Variants in KCNH5 observed in about 807,000 individuals in gnomAD.
KCNH5 encodes the protein potassium voltage-gated channel subfamily H member 5, also known as voltage-gated delayed rectifier potassium channel KCNH5.
A neutral mutation model predicts 96.1 loss-of-function variants in KCNH5; 46 were observed. The ratio of observed to expected loss-of-function variants is 0.48; its 90% CI spans 0.38 to 0.61. The LOEUF is 0.61. Ranked by LOEUF, KCNH5 falls within the 20% of genes least tolerant of loss-of-function variation. The pLI, the probability that KCNH5 is intolerant of heterozygous loss-of-function variation, is 0.00. For missense variants in KCNH5, 907 were observed against 1,225.8 expected (o/e 0.74, Z 3.88); for synonymous variants, 439 against 449.8 (o/e 0.98, Z 0.30).
At chr14:62,875,798 C>T (rs564073231) in intron 7 of KCNH5, among the ~76,000 whole-genome samples, 5 of 151,856 alleles carry the variant, frequency 3.3e-5, no homozygotes, top group South Asian at 4.2e-4. Flanking sequence ...AAGTGGATCA[C>T]GAGGTCAGGA....
chr14:62,947,545 C>T (rs1889912631), intron 7 of KCNH5, among the ~76,000 whole-genome samples: 1 of 152,174 alleles, frequency 6.6e-6, no homozygotes. Flanking sequence ...CAACTGCCAA[C>T]ACTGATGCTT....
At chr14:62,796,168 T>C (rs1385941827) in intron 9 of KCNH5, among the ~76,000 whole-genome samples, 1 of 152,078 alleles carries the variant, frequency 6.6e-6, no homozygotes, top group Non-Finnish European at 1.5e-5. Context: ...AATTATACCT[T>C]AGGAAGATTA....
At position 63,045,132 on chromosome 14, in the gene KCNH5, T is replaced by A; in HGVS notation, c.55A>T (p.Ile19Phe). Residue 19 changes from isoleucine (I) to phenylalanine (F), a missense_variant, in exon 1 of 11, where the codon ATC (isoleucine) becomes TTC (phenylalanine). Physicochemically the swap from Ile to Phe is conservative, Grantham distance 21 (BLOSUM62 0). This residue lies in a region of KCNH5 where 370 missense variants were observed against 561.3 expected (regional missense o/e 0.66). Coordinates refer to ENST00000322893, the MANE Select transcript of KCNH5 (RefSeq NM_139318.5). Reference protein sequence around the residue: ...VAPQNTFLENIVRRSSESSFL... With the variant: ...VAPQNTFLENFVRRSSESSFL... The stretch of plus-strand genomic sequence containing the variant: ...TCCTTACCACTGGAGCGCCTGACGA[T>A]GTTCTCCAAAAATGTGTTCTGCGGT... 6.2e-7 allele frequency: 1 copy of A among 1,613,828 alleles called. No individual in the cohort carries two copies. The highest frequency in any genetic ancestry group is 8.5e-7 in the Non-Finnish European group (1 of 1,179,948).
chr14:63,011,257 C>A (rs1043423961), intron 2 of KCNH5, among the ~76,000 whole-genome samples: 9 of 152,032 alleles, frequency 5.9e-5, no homozygotes, highest in Middle Eastern at 3.2e-3. Flanking sequence ...CTGAGGCGGG[C>A]AGATCACCTT....
At chr14:62,897,421 T>A (rs1425505425) in intron 7 of KCNH5, among the ~76,000 whole-genome samples, 2 of 152,126 alleles carry the variant, frequency 1.3e-5, no homozygotes, top group African/African-American at 4.8e-5. Flanking sequence ...GGGAAAGAAA[T>A]GTTTTTCTAG....
chr14:62,826,581 T>G (rs192001832), intron 8 of KCNH5, among the ~76,000 whole-genome samples: 24 of 152,180 alleles, frequency 1.6e-4, no homozygotes, highest in Admixed American at 3.3e-4. Context: ...TGTATCTTTA[T>G]AATATAGTTT....
At chr14:62,926,260 G>T (rs114364250) in intron 7 of KCNH5, among the ~76,000 whole-genome samples, 168 of 152,196 alleles carry the variant, frequency 1.1e-3, no homozygotes, top group African/African-American at 3.9e-3. Context: ...GCTCTGATAA[G>T]TTCTTGAAAC....
chr14:62,939,002 T>C (rs1889737405), intron 7 of KCNH5, among the ~76,000 whole-genome samples: 1 of 152,226 alleles, frequency 6.6e-6, no homozygotes, highest in Non-Finnish European at 1.5e-5. Context: ...TCTACCTCCA[T>C]GAAGTTAATG....
At chr14:63,001,125 T>C (rs1408349940) in intron 4 of KCNH5, among the ~76,000 whole-genome samples, 1 of 152,154 alleles carries the variant, frequency 6.6e-6, no homozygotes, top group Non-Finnish European at 1.5e-5. Flanking sequence ...ATGCTATAAG[T>C]TAACCAATCT....
chr14:62,730,707 C>G (rs550261716), intron 10 of KCNH5, among the ~76,000 whole-genome samples: 1 of 152,288 alleles, frequency 6.6e-6, no homozygotes, highest in African/African-American at 2.4e-5. Flanking sequence ...AATAGACTGA[C>G]AGAAATCTTC....
At chr14:62,895,654 A>C (rs1287768252) in intron 7 of KCNH5, among the ~76,000 whole-genome samples, 4 of 152,200 alleles carry the variant, frequency 2.6e-5, no homozygotes, top group Non-Finnish European at 5.9e-5. Context: ...GGAGTAAAAA[A>C]CAAATAAATA....
chr14:62,717,557 G>GA (rs955388310), intron 10 of KCNH5, among the ~76,000 whole-genome samples: 5 of 152,012 alleles, frequency 3.3e-5, no homozygotes, highest in Admixed American at 1.3e-4. Context: ...ATAATCTTTT[G>GA]AAAAAATGAT....
chr14:62,756,370 C>T (rs559771090), intron 10 of KCNH5, among the ~76,000 whole-genome samples: 4 of 151,994 alleles, frequency 2.6e-5, no homozygotes, highest in Non-Finnish European at 4.4e-5. Context: ...AATGTCCATA[C>T]TACTGAAAGC....
intron 6 of KCNH5, among the ~76,000 whole-genome samples, chr14:62,977,235 T>TGCGC (rs1452133548): frequency 2.0e-5 from 3 of 152,010 alleles, no homozygotes; most frequent in Non-Finnish European, 4.4e-5. Context: ...AGTGTGGTGG[T>TGCGC]GCGCGCCTCT....
intron 10 of KCNH5, among the ~76,000 whole-genome samples, chr14:62,773,889 C>T (rs1420692487): frequency 2.6e-5 from 4 of 151,978 alleles, no homozygotes; most frequent in Non-Finnish European, 5.9e-5. Context: ...GTTTCAGTAT[C>T]TTTTATGGAA....
intron 1 of KCNH5, among the ~76,000 whole-genome samples, chr14:63,026,343 C>G (rs566359608): frequency 6.6e-6 from 1 of 152,048 alleles, no homozygotes; most frequent in African/African-American, 2.4e-5. Context: ...GCACAGGTAA[C>G]TAAAGCAGAA....
intron 8 of KCNH5, among the ~76,000 whole-genome samples, chr14:62,842,412 T>C (rs1340088661): frequency 6.6e-6 from 1 of 152,236 alleles, no homozygotes; most frequent in Non-Finnish European, 1.5e-5. Context: ...ATAATAATTC[T>C]GAATGCTTAC....
chr14:62,926,469 GAGAA>G (rs1481809402), intron 7 of KCNH5, among the ~76,000 whole-genome samples: 13 of 152,182 alleles, frequency 8.5e-5, no homozygotes, highest in Admixed American at 1.3e-4. Context: ...CAACAAAAAG[GAGAA>G]AGAAAGAAGA....
At chr14:63,030,885 G>A (rs971454689) in intron 1 of KCNH5, among the ~76,000 whole-genome samples, 1 of 152,154 alleles carries the variant, frequency 6.6e-6, no homozygotes, top group African/African-American at 2.4e-5. Context: ...GCTCAGCCAA[G>A]TCTGGCACAC....
Sources: gnomAD v4.1 joint callset for allele counts (sites outside exome capture counted in the v4.1 genomes callset) on GRCh38, gnomAD v4.1.1 for gene constraint, gnomAD v4.1.1 regional missense constraint, MANE v1.5 for transcripts, NCBI Gene and HGNC (gene_info 2026-07-23, HGNC 2026-07-21) for gene names.